The following NTM variants were observed in gnomAD, a reference collection of about 807,000 sequenced individuals.
The protein encoded by NTM is IgLON family member 2.
A neutral mutation model predicts 42.1 loss-of-function variants in NTM; 13 were observed. The ratio of observed to expected loss-of-function variants is 0.31; its 90% CI spans 0.20 to 0.49. The LOEUF is 0.49. NTM is among the 20% of genes least tolerant of loss of function. The pLI, the probability that NTM is intolerant of heterozygous loss-of-function variation, is 0.99. For synonymous variants in NTM, 187 were observed against 179.2 expected, an observed-to-expected ratio of 1.04 and a Z score of -0.35; for missense variants, 373 against 452.8, an observed-to-expected ratio of 0.82 and a Z score of 1.60.
At chr11:132,025,228 C>T (rs949539325) in intron 2 of NTM, among the ~76,000 whole-genome samples, 3 of 152,122 alleles carry the variant, frequency 2.0e-5, no homozygotes, top group East Asian at 1.9e-4. Context: ...ATTCACATGC[C>T]GTTGGGCTCA....
intron 1 of NTM, among the ~76,000 whole-genome samples, chr11:131,713,338 C>T (rs1412868479): frequency 1.3e-5 from 2 of 152,306 alleles, no homozygotes; most frequent in East Asian, 1.9e-4. Context: ...ATAAAGTTCT[C>T]TCTCCAACCA....
At chr11:132,261,329 G>T (rs1216171599) in intron 4 of NTM, among the ~76,000 whole-genome samples, 1 of 152,186 alleles carries the variant, frequency 6.6e-6, no homozygotes, top group Non-Finnish European at 1.5e-5. Context: ...CCACCCCACG[G>T]TGGATGGAAA....
intron 1 of NTM, among the ~76,000 whole-genome samples, chr11:131,500,892 T>C (rs1009260652): frequency 1.5e-4 from 22 of 150,022 alleles, no homozygotes; most frequent in African/African-American, 5.3e-4. Context: ...TCCAGCTTCA[T>C]CCATGTCTCT....
At chr11:131,707,570 T>C (rs964620756) in intron 1 of NTM, among the ~76,000 whole-genome samples, 9 of 152,124 alleles carry the variant, frequency 5.9e-5, no homozygotes, top group African/African-American at 2.2e-4. Flanking sequence ...GGGACCTCAA[T>C]ATTGTTTTTT....
At chr11:132,332,186 G>A (rs1411617725) in intron 8 of NTM, 1 of 152,246 alleles carries the variant, frequency 6.6e-6, no homozygotes, top group East Asian at 1.9e-4. Flanking sequence ...TATCTCCTTT[G>A]GGAGGATGTC....
intron 1 of NTM, among the ~76,000 whole-genome samples, chr11:131,818,325 C>T (rs1417501926): frequency 1.8e-4 from 27 of 152,072 alleles, no homozygotes; most frequent in Non-Finnish European, 1.5e-5. Context: ...AAACAGAGGA[C>T]AGTTTTTAAA....
intron 7 of NTM, among the ~76,000 whole-genome samples, chr11:132,316,972 G>GAAAGGCAGCAAA (rs1452500046): frequency 7.2e-5 from 11 of 152,226 alleles, no homozygotes; most frequent in Admixed American, 2.6e-4. Context: ...GATGAAGTTA[G>GAAAGGCAGCAAA]AAAGGCAGCA....
At chr11:132,149,938 C>T (rs777849194) in intron 3 of NTM, among the ~76,000 whole-genome samples, 15 of 152,224 alleles carry the variant, frequency 9.9e-5, no homozygotes, top group Non-Finnish European at 2.2e-4. Context: ...TGCAGTGCTT[C>T]CATAGTCATG....
At chr11:132,077,037 T>C (rs1164976475) in intron 2 of NTM, among the ~76,000 whole-genome samples, 1 of 152,222 alleles carries the variant, frequency 6.6e-6, no homozygotes, top group East Asian at 1.9e-4. Context: ...GAAACTGCTT[T>C]CTTCACATTA....
At chr11:131,921,758 T>C (rs1359616939) in intron 2 of NTM, among the ~76,000 whole-genome samples, 1 of 152,040 alleles carries the variant, frequency 6.6e-6, no homozygotes, top group Non-Finnish European at 1.5e-5. Flanking sequence ...GCCCAGCCTC[T>C]CCATTACAAA....
chr11:131,377,482 G>A (rs954442855), intron 1 of NTM, among the ~76,000 whole-genome samples: 34 of 152,334 alleles, frequency 2.2e-4, no homozygotes, highest in African/African-American at 7.9e-4. Flanking sequence ...TGTGGATGAG[G>A]CAAATACTAT....
intron 2 of NTM, among the ~76,000 whole-genome samples, chr11:132,134,261 G>A (rs968238022): frequency 6.6e-6 from 1 of 152,080 alleles, no homozygotes; most frequent in Admixed American, 6.6e-5. Flanking sequence ...TTCCTAGGGG[G>A]AACACCTTCT....
At chr11:131,910,743 C>T in intron 1 of NTM, 1 of 764,892 alleles carries the variant, frequency 1.3e-6, no homozygotes, top group African/African-American at 1.9e-5. Context: ...CCGCCGCGGT[C>T]CGCTCCCGCC....
intron 1 of NTM, among the ~76,000 whole-genome samples, chr11:131,606,275 C>T (rs1005463560): frequency 7.9e-5 from 12 of 152,220 alleles, no homozygotes; most frequent in African/African-American, 1.9e-4. Context: ...AAACTGGTCC[C>T]GAACTCTTGG....
intron 7 of NTM, among the ~76,000 whole-genome samples, chr11:132,320,646 A>T (rs1158449577): frequency 5.3e-5 from 8 of 152,162 alleles, no homozygotes; most frequent in Admixed American, 1.3e-4. Flanking sequence ...CAAAGCAGCC[A>T]GAAAGCTCGA....
chr11:131,783,521 C>T (rs2088565636), intron 1 of NTM, among the ~76,000 whole-genome samples: 1 of 152,174 alleles, frequency 6.6e-6, no homozygotes, highest in South Asian at 2.1e-4. Context: ...GCAAAGAGGC[C>T]ATGATGATTA....
chr11:131,833,421 G>C (rs1345714479), intron 1 of NTM, among the ~76,000 whole-genome samples: 1 of 152,112 alleles, frequency 6.6e-6, no homozygotes, highest in Non-Finnish European at 1.5e-5. Context: ...GATACTAATT[G>C]TATCCCTATT....
chr11:131,602,084 T>G (rs1337543781), intron 1 of NTM, among the ~76,000 whole-genome samples: 1 of 152,206 alleles, frequency 6.6e-6, no homozygotes, highest in Admixed American at 6.5e-5. Context: ...TAGGCCAGTT[T>G]ATTAATTAAA....
intron 2 of NTM, among the ~76,000 whole-genome samples, chr11:132,027,399 A>G (rs1016489278): frequency 2.6e-5 from 4 of 152,238 alleles, no homozygotes; most frequent in Admixed American, 6.5e-5. Context: ...TCTGAAGAAC[A>G]TATTTTAACA....
Sources: allele counts gnomAD v4.1 joint callset (sites outside exome capture counted in the v4.1 genomes callset), GRCh38; gene constraint gnomAD v4.1.1; transcripts MANE v1.5; gene names NCBI Gene and HGNC (gene_info 2026-07-23, HGNC 2026-07-21).